NBEA: variants seen among roughly 807,000 people sequenced by gnomAD.
The protein encoded by NBEA is lysosomal-trafficking regulator 2.
In NBEA, 44 loss-of-function variants were observed where a neutral mutation model predicts 343.4. The ratio of observed to expected loss-of-function variants is 0.13; its 90% confidence interval spans 0.10 to 0.16. The LOEUF (loss-of-function observed/expected upper bound fraction) is 0.16, where lower values mean the gene tolerates loss of function less well. Ranked by LOEUF, NBEA falls within the 10% of genes least tolerant of loss-of-function variation. NBEA has a pLI of 1.00. For synonymous variants in NBEA, 1,175 were observed against 1,238.7 expected (o/e 0.95, Z 1.08); for missense variants, 2,555 against 3,631.3 (o/e 0.70, Z 7.62).
intron 38 of NBEA, among the ~76,000 whole-genome samples, chr13:35,417,512 G>A (rs988420053): frequency 5.9e-5 from 9 of 152,150 alleles, no homozygotes; most frequent in African/African-American, 1.4e-4. Context: ...TCATTCAGGA[G>A]CAGGTTGTTC....
chr13:35,275,431 G>A (rs1213014405), intron 34 of NBEA, among the ~76,000 whole-genome samples: 4 of 152,112 alleles, frequency 2.6e-5, no homozygotes, highest in Non-Finnish European at 1.5e-5. Context: ...TACCATTCAG[G>A]ACATAGGCAT....
chr13:35,455,864 A>G (rs1190398959), intron 40 of NBEA, among the ~76,000 whole-genome samples: 1 of 152,064 alleles, frequency 6.6e-6, no homozygotes, highest in Non-Finnish European at 1.5e-5. Flanking sequence ...AATACATAGT[A>G]TATGGTTTGA....
chr13:35,219,618 C>G (rs1273565349), intron 33 of NBEA, among the ~76,000 whole-genome samples: 2 of 152,076 alleles, frequency 1.3e-5, no homozygotes, highest in African/African-American at 4.8e-5. Context: ...TTCCCAGTAT[C>G]TGCAGTTAGT....
intron 40 of NBEA, among the ~76,000 whole-genome samples, chr13:35,452,949 A>C (rs536225754): frequency 1.3e-5 from 2 of 152,342 alleles, no homozygotes; most frequent in African/African-American, 2.4e-5. Context: ...AAACCAGTCC[A>C]TGGAATCATA....
chr13:35,211,275 A>T (rs555971266), intron 33 of NBEA, 96 bp downstream of exon 33: 1 of 1,072,156 alleles, frequency 9.3e-7, no homozygotes, highest in South Asian at 1.7e-5. Flanking sequence ...CTTGAGAATG[A>T]AGGTTAATTA....
At chr13:35,056,317 A>T (rs1250632857) in intron 7 of NBEA, among the ~76,000 whole-genome samples, 188 bp downstream of exon 7, 1 of 151,040 alleles carries the variant, frequency 6.6e-6, no homozygotes. Flanking sequence ...ATTAGTGATT[A>T]AAAAAACAGA....
intron 36 of NBEA, among the ~76,000 whole-genome samples, chr13:35,313,754 A>T (rs1396633420): frequency 2.6e-5 from 4 of 152,140 alleles, no homozygotes; most frequent in Non-Finnish European, 4.4e-5. Flanking sequence ...GGCAACTGAG[A>T]GAGGTATTTT....
chr13:35,234,975 T>C (rs1297429421), intron 34 of NBEA, among the ~76,000 whole-genome samples: 1 of 152,206 alleles, frequency 6.6e-6, no homozygotes, highest in Non-Finnish European at 1.5e-5. Flanking sequence ...CTTTAATATT[T>C]ACAATTACTT....
intron 49 of NBEA, among the ~76,000 whole-genome samples, chr13:35,632,625 C>T (rs564511603): frequency 5.3e-5 from 8 of 151,600 alleles, no homozygotes; most frequent in Admixed American, 5.3e-4. Flanking sequence ...TTCTTTCTTT[C>T]AGAGACAGTC....
intron 49 of NBEA, among the ~76,000 whole-genome samples, chr13:35,628,537 A>G (rs2083322729): frequency 6.6e-6 from 1 of 152,230 alleles, no homozygotes; most frequent in Non-Finnish European, 1.5e-5. Context: ...GTATTTTAGT[A>G]ATAAGTGAAA....
chr13:35,284,594 T>C (rs1452173761), intron 34 of NBEA, among the ~76,000 whole-genome samples: 1 of 152,202 alleles, frequency 6.6e-6, no homozygotes, highest in African/African-American at 2.4e-5. Context: ...TACATCTTAA[T>C]ATTAATTTTA....
intron 44 of NBEA, among the ~76,000 whole-genome samples, chr13:35,562,544 A>G (rs2079907728): frequency 6.6e-6 from 1 of 151,894 alleles, no homozygotes; most frequent in East Asian, 1.9e-4. Context: ...AACTTCTCCA[A>G]CCCCAACCTT....
chr13:35,171,323 G>A lies in NBEA; in HGVS notation c.4294G>A (p.Val1432Ile). 6.2e-7 allele frequency: 1 copy of A among 1,612,478 alleles called. No individual in the cohort carries two copies. The highest frequency in any genetic ancestry group is 1.7e-5 in the Admixed American group (1 of 59,934). Reference protein sequence around the residue: ...VTQGMSAETAVTFLSRLMAMV... With the variant: ...VTQGMSAETAITFLSRLMAMV... ...ACAAGGCATGTCAGCTGAGACAGCAGTAACTTTCCTCAGCCGGCTGATGGC... is the reference window on the plus strand; with the variant it reads ...ACAAGGCATGTCAGCTGAGACAGCAATAACTTTCCTCAGCCGGCTGATGGC... The change falls in exon 26 of 59, where the codon GTA (valine) becomes ATA (isoleucine). Residue 1432 changes from valine (V) to isoleucine (I), a missense_variant. By Grantham distance (29) the Val-to-Ile change is conservative (BLOSUM62 3). Coordinates refer to ENST00000379939, the MANE Select transcript of NBEA (RefSeq NM_001385012.1).
chr13:35,653,862 G>A (rs1172863689), intron 53 of NBEA, among the ~76,000 whole-genome samples: 1 of 152,088 alleles, frequency 6.6e-6, no homozygotes, highest in Admixed American at 6.5e-5. Context: ...AAATTAATAG[G>A]TCTATTCTAA....
rs1163761300 is a variant in NBEA at position 35,140,088 on chromosome 13, C to G, written c.2337-2181C>G. Reference sequence around the variant, plus strand: ...TCAGGCTAGAGTGCAGTGGCACAAGCTCACTGCAGCCTTGATCTCCAGGAA... The same window carrying G: ...TCAGGCTAGAGTGCAGTGGCACAAGGTCACTGCAGCCTTGATCTCCAGGAA... On this transcript the variant is annotated intron_variant, in intron 17 of 58. Coordinates refer to ENST00000379939, the MANE Select transcript of NBEA (RefSeq NM_001385012.1). 3.9e-5 allele frequency among the ~76,000 whole-genome samples: 6 copies of G among 152,198 alleles called. No homozygotes were observed. The South Asian group carries it at 1.2e-3, about 32-fold the overall frequency.
At chr13:35,050,998 A>G (rs1018833236) in intron 6 of NBEA, among the ~76,000 whole-genome samples, 6 of 152,056 alleles carry the variant, frequency 3.9e-5, no homozygotes, top group African/African-American at 1.4e-4. Context: ...GAAAATGCAG[A>G]GAACTGTGCA....
intron 40 of NBEA, among the ~76,000 whole-genome samples, chr13:35,456,603 G>A (rs1291157293): frequency 1.3e-5 from 2 of 151,824 alleles, no homozygotes; most frequent in African/African-American, 2.4e-5. Flanking sequence ...TTGAAATTTA[G>A]CAAGTTGTTT....
chr13:35,377,011 C>T (rs1210338329), intron 38 of NBEA, among the ~76,000 whole-genome samples: 1 of 152,016 alleles, frequency 6.6e-6, no homozygotes. Context: ...AGTTACATAC[C>T]CTTTGTTTTC....
At chr13:35,669,364 T>A (rs1256661843) in intron 58 of NBEA, among the ~76,000 whole-genome samples, 1 of 152,174 alleles carries the variant, frequency 6.6e-6, no homozygotes, top group Non-Finnish European at 1.5e-5. Context: ...CCCAACTACA[T>A]GTAATATTCC....
Sources: allele counts gnomAD v4.1 joint callset (sites outside exome capture counted in the v4.1 genomes callset), GRCh38; gene constraint gnomAD v4.1.1; transcripts MANE v1.5; gene names NCBI Gene and HGNC (gene_info 2026-07-23, HGNC 2026-07-21).